The following SGCZ variants were observed in gnomAD, a reference collection of about 807,000 sequenced individuals.
The protein encoded by SGCZ is zeta-sarcoglycan.
In SGCZ, 40 loss-of-function variants were observed where a neutral mutation model predicts 41.3. The ratio of observed to expected loss-of-function variants is 0.97; its 90% CI spans 0.75 to 1.26. The LOEUF (loss-of-function observed/expected upper bound fraction) is 1.26, where lower values mean the gene tolerates loss of function less well. SGCZ is among the 50% of genes most tolerant of loss of function. The pLI, the probability that SGCZ is intolerant of heterozygous loss-of-function variation, is 0.00. For synonymous variants in SGCZ, 206 were observed against 137.5 expected, an observed-to-expected ratio of 1.50 and a Z score of -3.49; for missense variants, 552 against 369.8, an observed-to-expected ratio of 1.49 and a Z score of -4.04.
chr8:14,345,776 G>T (rs1248940136), intron 2 of SGCZ, among the ~76,000 whole-genome samples: 1 of 152,106 alleles, frequency 6.6e-6, no homozygotes, highest in Non-Finnish European at 1.5e-5. Flanking sequence ...AAAGAAAATA[G>T]CTATTGCAGT....
chr8:14,185,926 G>A (rs1407316165), intron 4 of SGCZ, among the ~76,000 whole-genome samples: 1 of 152,166 alleles, frequency 6.6e-6, no homozygotes, highest in Admixed American at 6.5e-5. Context: ...TTCTCACCAT[G>A]TCCAGTAATA....
At chr8:14,349,136 G>C (rs888051746) in intron 2 of SGCZ, among the ~76,000 whole-genome samples, 2 of 152,090 alleles carry the variant, frequency 1.3e-5, no homozygotes, top group Middle Eastern at 3.4e-3. Context: ...TTTAACATTC[G>C]TATGTTGTCA....
intron 2 of SGCZ, among the ~76,000 whole-genome samples, chr8:14,518,000 G>A (rs34305869): frequency 0.15 from 23,086 of 151,494 alleles, 2,024 homozygotes; most frequent in Admixed American, 0.2. Flanking sequence ...TTTATTGAAC[G>A]TGTATTTTGA....
intron 2 of SGCZ, among the ~76,000 whole-genome samples, chr8:14,338,266 G>GT (rs2117070241): frequency 6.6e-6 from 1 of 152,262 alleles, no homozygotes; most frequent in African/African-American, 2.4e-5. Flanking sequence ...GGGCCTTCTG[G>GT]TCTCATTTCA....
chr8:14,689,406 C>T (rs2117565380), intron 1 of SGCZ, among the ~76,000 whole-genome samples: 1 of 152,134 alleles, frequency 6.6e-6, no homozygotes. Flanking sequence ...TGTCAATAAA[C>T]AAAATACCCA....
intron 2 of SGCZ, among the ~76,000 whole-genome samples, chr8:14,513,322 G>A (rs1387456863): frequency 7.9e-5 from 12 of 152,074 alleles, no homozygotes; most frequent in African/African-American, 2.9e-4. Context: ...ACAAGCATGA[G>A]CCACAGTGCC....
At chr8:14,265,188 C>CTAG (rs1799828864) in intron 3 of SGCZ, among the ~76,000 whole-genome samples, 1 of 152,074 alleles carries the variant, frequency 6.6e-6, no homozygotes, top group African/African-American at 2.4e-5. Flanking sequence ...GCTTTAAAAC[C>CTAG]CTTTTCCCAT....
chr8:15,080,911 G>A (rs913669414), intron 1 of SGCZ, among the ~76,000 whole-genome samples: 1 of 151,988 alleles, frequency 6.6e-6, no homozygotes, highest in South Asian at 2.1e-4. Flanking sequence ...GTCTTGAAAG[G>A]AAGGAGACAA....
At chr8:15,137,001 G>A (rs1235491735) in intron 1 of SGCZ, among the ~76,000 whole-genome samples, 1 of 152,164 alleles carries the variant, frequency 6.6e-6, no homozygotes, top group East Asian at 1.9e-4. Context: ...GAGACTTGAA[G>A]GGCTTAGAAG....
At chr8:15,157,276 T>G (rs534882703) in intron 1 of SGCZ, among the ~76,000 whole-genome samples, 2 of 152,214 alleles carry the variant, frequency 1.3e-5, no homozygotes. Context: ...CTCATGCCTG[T>G]GATCCCAGCA....
intron 1 of SGCZ, among the ~76,000 whole-genome samples, chr8:15,054,798 T>C (rs79939223): frequency 1.4e-5 from 2 of 147,870 alleles, no homozygotes; most frequent in Admixed American, 6.7e-5. Flanking sequence ...ACTAAAAAAA[T>C]ACAAAAAAAA....
intron 3 of SGCZ, among the ~76,000 whole-genome samples, chr8:14,323,545 C>G (rs564733457): frequency 1.4e-4 from 21 of 152,136 alleles, no homozygotes; most frequent in Non-Finnish European, 2.2e-4. Flanking sequence ...ATCTAAGCTA[C>G]AATCTTAATT....
intron 1 of SGCZ, among the ~76,000 whole-genome samples, chr8:15,161,675 A>G (rs1263867614): frequency 6.6e-6 from 1 of 152,346 alleles, no homozygotes; most frequent in African/African-American, 2.4e-5. Flanking sequence ...AATTTCAACT[A>G]AGGTTTTTCC....
At chr8:15,135,890 T>C (rs146959587) in intron 1 of SGCZ, among the ~76,000 whole-genome samples, 6 of 152,318 alleles carry the variant, frequency 3.9e-5, no homozygotes, top group African/African-American at 1.4e-4. Context: ...ATGCCCAAAG[T>C]AGCAGCTCAG....
chr8:15,105,080 A>C (rs2131088623), intron 1 of SGCZ, among the ~76,000 whole-genome samples: 1 of 152,306 alleles, frequency 6.6e-6, no homozygotes, highest in Non-Finnish European at 1.5e-5. Context: ...TAACCCAATA[A>C]ATTGGTTAAT....
intron 4 of SGCZ, among the ~76,000 whole-genome samples, chr8:14,201,069 C>A (rs1563182202): frequency 6.6e-6 from 1 of 151,944 alleles, no homozygotes; most frequent in Non-Finnish European, 1.5e-5. Flanking sequence ...AGGAAAATGA[C>A]AATTAAAACT....
chr8:15,009,129 G>T (rs1365415126), intron 1 of SGCZ, among the ~76,000 whole-genome samples: 1 of 152,086 alleles, frequency 6.6e-6, no homozygotes, highest in Non-Finnish European at 1.5e-5. Flanking sequence ...CCTAAGACTG[G>T]GTAATTTATA....
intron 2 of SGCZ, among the ~76,000 whole-genome samples, chr8:14,395,825 G>A (rs190768668): frequency 6.6e-6 from 1 of 152,256 alleles, no homozygotes; most frequent in African/African-American, 2.4e-5. Context: ...GGCACATAAT[G>A]CCTAAATGAG....
At chr8:15,097,973 G>C (rs1455528724) in intron 1 of SGCZ, among the ~76,000 whole-genome samples, 1 of 149,398 alleles carries the variant, frequency 6.7e-6, no homozygotes, top group East Asian at 2.0e-4. Flanking sequence ...ACTGGGTATT[G>C]CTCTAGCAAA....
Sources: gnomAD v4.1 joint callset for allele counts (sites outside exome capture counted in the v4.1 genomes callset) on GRCh38, gnomAD v4.1.1 for gene constraint, MANE v1.5 for transcripts, NCBI Gene and HGNC (gene_info 2026-07-23, HGNC 2026-07-21) for gene names.